DNASE1: variants seen among roughly 807,000 people sequenced by gnomAD.
DNASE1 encodes deoxyribonuclease-1.
In DNASE1, 40 loss-of-function variants were observed where a neutral mutation model predicts 33.9. The observed-to-expected ratio is 1.18, with a 90% CI of 0.92 to 1.54. The LOEUF is 1.54. Ranked by LOEUF, DNASE1 falls within the 40% of genes most tolerant of loss-of-function variation. The pLI is 0.00. For missense variants in DNASE1, 518 were observed against 372.6 expected (o/e 1.39, Z -3.21); for synonymous variants, 216 against 160.0 (o/e 1.35, Z -2.64).
chr16:3,630,213 C>G (rs748539210), intron 1 of DNASE1, among the ~76,000 whole-genome samples: 1 of 152,062 alleles, frequency 6.6e-6, no homozygotes, highest in African/African-American at 2.4e-5. Flanking sequence ...CGGGGTCTCA[C>G]TTTGTTACCC....
chr16:3,637,774 G>A (rs1363410080), intron 1 of DNASE1, among the ~76,000 whole-genome samples: 1 of 152,078 alleles, frequency 6.6e-6, no homozygotes, highest in Non-Finnish European at 1.5e-5. Flanking sequence ...GGCTCATGGA[G>A]GTAAAGTCCA....
At chr16:3,624,111 T>C (rs1288615490) in intron 1 of DNASE1, among the ~76,000 whole-genome samples, 1 of 151,916 alleles carries the variant, frequency 6.6e-6, no homozygotes, top group Non-Finnish European at 1.5e-5. Context: ...ACCCCGTCTC[T>C]ACTAAAAATA....
chr16:3,640,641 T>A, upstream of DNASE1: 1 of 397,996 alleles, frequency 2.5e-6, no homozygotes. Context: ...GTCAGGAGTT[T>A]GCTGAAGTTT....
chr16:3,647,220 T>C (rs79939457), intron 1 of DNASE1, among the ~76,000 whole-genome samples: 3 of 152,076 alleles, frequency 2.0e-5, no homozygotes, highest in African/African-American at 7.2e-5. Flanking sequence ...AGTATTGCTT[T>C]AAAAGCTTTT....
chr16:3,628,307 A>G (rs1200762221), intron 1 of DNASE1, among the ~76,000 whole-genome samples: 2 of 152,018 alleles, frequency 1.3e-5, no homozygotes, highest in Non-Finnish European at 2.9e-5. Flanking sequence ...TGCTTTGCTG[A>G]TTCTGTTATT....
chr16:3,655,630 ACCACTGCTCC>A (rs1211249587), intron 2 of DNASE1, 110 bp downstream of exon 2: 54 of 1,535,946 alleles, frequency 3.5e-5, no homozygotes, highest in Non-Finnish European at 4.4e-5. Flanking sequence ...GGTACTGAGC[ACCACTGCTCC>A]CAGCACGGTG....
chr16:3,617,091 C>T (rs2041129381), intron 1 of DNASE1, among the ~76,000 whole-genome samples: 1 of 151,970 alleles, frequency 6.6e-6, no homozygotes, highest in African/African-American at 2.4e-5. Flanking sequence ...CCTGTAATCC[C>T]AGCACTTTTG....
chr16:3,628,061 G>A (rs953426609), intron 1 of DNASE1, among the ~76,000 whole-genome samples: 1 of 150,554 alleles, frequency 6.6e-6, no homozygotes, highest in Admixed American at 6.7e-5. Flanking sequence ...TAACAATATC[G>A]TCCAACCCAT....
chr16:3,652,817 T>G (rs536318102), upstream of DNASE1: 3 of 152,510 alleles, frequency 2.0e-5, no homozygotes, highest in African/African-American at 7.2e-5. Flanking sequence ...TGCTGACTCT[T>G]GCCGTTGAGG....
intron 1 of DNASE1, among the ~76,000 whole-genome samples, chr16:3,618,112 G>A (rs1324510459): frequency 6.7e-6 from 1 of 149,784 alleles, no homozygotes; most frequent in Non-Finnish European, 1.5e-5. Context: ...AATGGACATA[G>A]GACTTGAATA....
At chr16:3,637,114 A>C (rs1214368893) in intron 1 of DNASE1, among the ~76,000 whole-genome samples, 1 of 148,350 alleles carries the variant, frequency 6.7e-6, no homozygotes. Flanking sequence ...ACAGAATGAG[A>C]CTCCATCTCA....
intron 1 of DNASE1, among the ~76,000 whole-genome samples, chr16:3,648,509 T>A (rs1016516168): frequency 1.3e-5 from 2 of 152,118 alleles, no homozygotes; most frequent in Non-Finnish European, 2.9e-5. Context: ...TTGCAGAGAA[T>A]GGTGTGAACC....
upstream of DNASE1, among the ~76,000 whole-genome samples, chr16:3,650,314 A>G (rs2151203629): frequency 6.6e-6 from 1 of 152,328 alleles, no homozygotes; most frequent in Non-Finnish European, 1.5e-5. Context: ...CTTCCACTCA[A>G]GTATCAATTT....
intron 1 of DNASE1, among the ~76,000 whole-genome samples, chr16:3,621,991 C>T (rs1012984369): frequency 4.6e-5 from 7 of 152,126 alleles, no homozygotes; most frequent in African/African-American, 1.7e-4. Context: ...GAGACCGAGG[C>T]AGGTGGATCA....
downstream of DNASE1, chr16:3,660,357 C>G (rs183808764): frequency 6.6e-6 from 1 of 152,386 alleles, no homozygotes; most frequent in African/African-American, 2.4e-5. Context: ...GTGAAGCTGG[C>G]TGGGCACAGT....
chr16:3,645,953 T>C, intron 1 of DNASE1, among the ~76,000 whole-genome samples: 1 of 152,190 alleles, frequency 6.6e-6, no homozygotes, highest in East Asian at 1.9e-4. Context: ...GCCTTTTACC[T>C]GAGTACAGGA....
At chr16:3,638,093 C>T (rs1346176201), upstream of DNASE1, among the ~76,000 whole-genome samples, 1 of 138,852 alleles carries the variant, frequency 7.2e-6, no homozygotes, top group Non-Finnish European at 1.5e-5. Flanking sequence ...TCCAGTTGAC[C>T]AGTTTTTGTG....
At chr16:3,632,532 G>A (rs932916700) in intron 1 of DNASE1, among the ~76,000 whole-genome samples, 2 of 151,250 alleles carry the variant, frequency 1.3e-5, no homozygotes, top group African/African-American at 4.9e-5. Flanking sequence ...TAGCCACTGG[G>A]ACTTTCTTTT....
chr16:3,612,410 C>G (rs1403985808), intron 1 of DNASE1, among the ~76,000 whole-genome samples: 1 of 151,930 alleles, frequency 6.6e-6, no homozygotes, highest in Non-Finnish European at 1.5e-5. Flanking sequence ...GTCACCACGC[C>G]CAGCTAATTT....
Sources: allele counts gnomAD v4.1 joint callset (sites outside exome capture counted in the v4.1 genomes callset), GRCh38; gene constraint gnomAD v4.1.1; transcripts MANE v1.5; gene names NCBI Gene and HGNC (gene_info 2026-07-23, HGNC 2026-07-21).